The following MMP26 variants were observed in gnomAD, a reference collection of about 807,000 sequenced individuals.
MMP26 encodes the protein matrix metallopeptidase 26.
MMP26 carries 33 observed loss-of-function variants against 31.0 expected under a neutral mutation model. The ratio of observed to expected loss-of-function variants is 1.06; its 90% CI spans 0.81 to 1.42. The LOEUF (loss-of-function observed/expected upper bound fraction) is 1.42. Among genes scored for constraint, MMP26 ranks in the 40% most tolerant of loss-of-function variants. MMP26 has a pLI of 0.00. For missense variants in MMP26, 347 were observed against 316.1 expected (o/e 1.10, Z -0.74); for synonymous variants, 122 against 114.9 (o/e 1.06, Z -0.40).
At chr11:4,902,751 C>T (rs1467577915) in intron 2 of MMP26, among the ~76,000 whole-genome samples, 1 of 152,154 alleles carries the variant, frequency 6.6e-6, no homozygotes, top group Non-Finnish European at 1.5e-5. Context: ...GATAACTTAA[C>T]ATGGAGAATA....
At position 4,925,226 on chromosome 11, in the gene MMP26, TG is replaced by T. The variant is rs1265502345; in HGVS notation, c.-144-62841del. Among the ~76,000 whole-genome samples the T allele has an allele frequency of 2.6e-5, 4 of 152,298 alleles. No individual in the cohort carries two copies. In the East Asian group the frequency reaches 7.7e-4, roughly 29 times the overall value. ...TTACAGAGCAAGTAAGTGTTGGGGA[TG>T]AAATTTAAACCCTGACATTGTACTG... On this transcript the variant is annotated intron_variant, in intron 2 of 7. Transcript: ENST00000380390.
intron 2 of MMP26, among the ~76,000 whole-genome samples, chr11:4,865,022 G>A (rs1850215438): frequency 6.6e-6 from 1 of 152,004 alleles, no homozygotes; most frequent in Admixed American, 6.6e-5. Context: ...CATTCATTCA[G>A]CATTCCTTGT....
At chr11:4,881,876 A>T (rs144793416) in intron 2 of MMP26, 12 of 1,593,632 alleles carry the variant, frequency 7.5e-6, no homozygotes, top group African/African-American at 1.3e-5. Context: ...TTCTTTCCTC[A>T]TAGTTCAGTG....
intron 2 of MMP26, chr11:4,924,347 C>A (rs781483561): frequency 1.3e-6 from 2 of 1,574,844 alleles, no homozygotes; most frequent in Non-Finnish European, 1.7e-6. Flanking sequence ...CATAGCTTTA[C>A]AATCTTGGAC....
At chr11:4,713,939 A>C (rs1197654039) in intron 1 of MMP26, among the ~76,000 whole-genome samples, 4 of 152,176 alleles carry the variant, frequency 2.6e-5, no homozygotes, top group African/African-American at 9.7e-5. Context: ...AAAGCCATGA[A>C]GTAGAATGAG....
rs1564821313 is a variant in MMP26 at position 4,992,074 on chromosome 11, A to G, written c.706A>G (p.Arg236Gly). 1 of 1,614,032 alleles carries G rather than the reference A, an allele frequency of 6.2e-7. No homozygotes were observed. The highest frequency in any genetic ancestry group is 8.5e-7 in the Non-Finnish European group (1 of 1,179,982). ...MYPTYWYHDP[R>G]TFQLSADDIQ... ...CCCCACTTACTGGTATCACGACCCT[A>G]GAACCTTCCAGCTCAGTGCCGATGA... is the stretch of plus-strand genomic sequence containing the variant. The change falls in exon 7 of 8, where the codon AGA becomes GGA. Residue 236 changes from arginine to glycine, a missense_variant. Physicochemically the swap from Arg to Gly is moderately radical, Grantham distance 125. Coordinates refer to ENST00000380390, the MANE Select transcript of MMP26 (RefSeq NM_021801.5).
rs1276433669 is a variant in MMP26 at position 4,953,145 on chromosome 11, A to G, written c.-144-34923A>G. On this transcript the variant is annotated intron_variant, in intron 2 of 7. Transcript: ENST00000380390. Reference sequence around the variant, plus strand: ...TGTACCATATCTTTTTTCCTGTTTTAAAAATCTTTAGCATCAATGATACGC... The same window carrying G: ...TGTACCATATCTTTTTTCCTGTTTTGAAAATCTTTAGCATCAATGATACGC... Among the ~76,000 whole-genome samples, 5 of 125,726 alleles carry G rather than the reference A, an allele frequency of 4.0e-5. 1 individual carries two copies. The highest frequency in any genetic ancestry group is 1.4e-4 in the African/African-American group (5 of 36,984). 82.5% of individuals were successfully genotyped at this position (125,726 alleles called of 152,430 possible).
chr11:4,977,423 C>T (rs543347303), intron 2 of MMP26, among the ~76,000 whole-genome samples: 39 of 152,174 alleles, frequency 2.6e-4, no homozygotes, highest in African/African-American at 6.7e-4. Flanking sequence ...AACCTATTGA[C>T]GGGCCATTGG....
In MMP26 at chr11:4,884,864, T is replaced by A. The variant is rs143968541; in HGVS notation, c.-144-103204T>A. Among the ~76,000 whole-genome samples, 1,112 of 152,262 alleles carry A rather than the reference T, an allele frequency of 7.3e-3. 10 individuals are homozygous for A. The highest frequency in any genetic ancestry group is 0.025 in the African/African-American group (1,059 of 41,560). ...TTGGATCATAATTTATTTATTTCAC[T>A]CATTTCCCTTCAGAAATATTGCTGT... On this transcript the variant is annotated intron_variant, in intron 2 of 7. Transcript: ENST00000380390.
chr11:4,884,358 A>G (rs1384974988), intron 2 of MMP26, among the ~76,000 whole-genome samples: 2 of 152,124 alleles, frequency 1.3e-5, no homozygotes, highest in East Asian at 1.9e-4. Flanking sequence ...TTTGTATTCT[A>G]TTATACCACA....
chr11:4,834,921 C>A (rs906574429), intron 2 of MMP26, among the ~76,000 whole-genome samples: 61 of 151,714 alleles, frequency 4.0e-4, no homozygotes, highest in Middle Eastern at 3.4e-3. Flanking sequence ...ATTATACACA[C>A]AAAATATATA....
chr11:4,881,213 A>T (rs1453173365), intron 2 of MMP26, among the ~76,000 whole-genome samples: 2 of 152,116 alleles, frequency 1.3e-5, no homozygotes, highest in African/African-American at 4.8e-5. Context: ...ATTCCACAGG[A>T]AAGATTTCCC....
chr11:4,974,294 G>C lies in MMP26; in HGVS notation c.-144-13774G>C, dbSNP rs142443591. On this transcript the variant is annotated intron_variant, in intron 2 of 7. Coordinates refer to ENST00000380390, the MANE Select transcript of MMP26 (RefSeq NM_021801.5). ...TTAAAATTTCTGTCATAAAAATTCAGCTGAAAAAAAAGGTCTAAAATTTTG... is the reference window on the plus strand; with the variant it reads ...TTAAAATTTCTGTCATAAAAATTCACCTGAAAAAAAAGGTCTAAAATTTTG... Among the ~76,000 whole-genome samples the C allele has an allele frequency of 1.7e-4, 25 of 150,616 alleles. No individual in the cohort carries two copies. In the East Asian group the frequency reaches 4.7e-3, roughly 28 times the overall value.
At chr11:4,715,187 A>G (rs1488628173) in intron 1 of MMP26, among the ~76,000 whole-genome samples, 2 of 152,166 alleles carry the variant, frequency 1.3e-5, no homozygotes, top group East Asian at 3.8e-4. Context: ...TTGGGAATAT[A>G]ACGATGAAAA....
intron 2 of MMP26, among the ~76,000 whole-genome samples, chr11:4,861,061 A>T (rs111654010): frequency 4.1e-4 from 49 of 118,138 alleles, no homozygotes; most frequent in African/African-American, 3.3e-4. Flanking sequence ...TAAGGGTATT[A>T]TATATATATA....
At chr11:4,897,619 A>G (rs988352486) in intron 2 of MMP26, among the ~76,000 whole-genome samples, 1 of 151,520 alleles carries the variant, frequency 6.6e-6, no homozygotes, top group Non-Finnish European at 1.5e-5. Flanking sequence ...ATGTTTCAGT[A>G]TTCTACTTCA....
chr11:4,823,219 T>G (rs997273617), intron 2 of MMP26, among the ~76,000 whole-genome samples: 1 of 151,862 alleles, frequency 6.6e-6, no homozygotes, highest in Non-Finnish European at 1.5e-5. Context: ...GTAGTGAATA[T>G]TAACATAAGA....
chr11:4,755,120 C>T (rs930285828), intron 1 of MMP26, among the ~76,000 whole-genome samples: 5 of 151,892 alleles, frequency 3.3e-5, no homozygotes, highest in African/African-American at 1.2e-4. Context: ...CACACCATGT[C>T]GCTATCAGTT....
intron 1 of MMP26, among the ~76,000 whole-genome samples, chr11:4,728,194 C>T (rs575548828): frequency 9.9e-5 from 15 of 152,220 alleles, no homozygotes; most frequent in African/African-American, 3.4e-4. Context: ...TGGAAAGGAC[C>T]TGAGTAATTT....
Sources: allele counts gnomAD v4.1 joint callset (sites outside exome capture counted in the v4.1 genomes callset), GRCh38; gene constraint gnomAD v4.1.1; transcripts MANE v1.5; gene names NCBI Gene and HGNC (gene_info 2026-07-23, HGNC 2026-07-21).